Variants in UNC80 observed in about 807,000 individuals in gnomAD.
UNC80 encodes the protein unc-80 subunit of NALCN channel complex, also known as protein unc-80 homolog.
In UNC80, 164 loss-of-function variants were observed where a neutral mutation model predicts 384.6. The observed-to-expected ratio is 0.43, with a 90% CI of 0.38 to 0.49. The LOEUF (loss-of-function observed/expected upper bound fraction) is 0.49. Ranked by LOEUF, UNC80 falls within the 20% of genes least tolerant of loss-of-function variation. The pLI, the probability that UNC80 is intolerant of heterozygous loss-of-function variation, is 0.00. For missense variants in UNC80, 3,330 were observed against 4,143.0 expected, an observed-to-expected ratio of 0.80 and a Z score of 5.39; for synonymous variants, 1,486 against 1,527.8, an observed-to-expected ratio of 0.97 and a Z score of 0.64.
chr2:209,993,108 A>T (rs1397910766), intron 62 of UNC80, among the ~76,000 whole-genome samples: 1 of 152,254 alleles, frequency 6.6e-6, no homozygotes, highest in Non-Finnish European at 1.5e-5. Flanking sequence ...TGTTCTTGGC[A>T]TATATAAAGG....
intron 5 of UNC80, among the ~76,000 whole-genome samples, chr2:209,788,833 G>T (rs1351914736): frequency 6.6e-6 from 1 of 151,992 alleles, no homozygotes; most frequent in African/African-American, 2.4e-5. Flanking sequence ...GATAAATTTA[G>T]CATTGCCTTC....
intron 31 of UNC80, among the ~76,000 whole-genome samples, chr2:209,915,702 A>C (rs967867669): frequency 3.9e-5 from 6 of 152,210 alleles, no homozygotes; most frequent in Admixed American, 2.0e-4. Context: ...AATATGTGGA[A>C]TACTTTGGTT....
intron 56 of UNC80, among the ~76,000 whole-genome samples, 165 bp downstream of exon 56, chr2:209,973,435 A>G (rs1291623327): frequency 6.6e-6 from 1 of 152,242 alleles, no homozygotes; most frequent in Non-Finnish European, 1.5e-5. Flanking sequence ...ATGTATTTAA[A>G]GAGACCTCAA....
At chr2:209,941,758 C>T (rs2091647349) in intron 44 of UNC80, among the ~76,000 whole-genome samples, 1 of 152,158 alleles carries the variant, frequency 6.6e-6, no homozygotes, top group South Asian at 2.1e-4. Context: ...GCAGCATCAG[C>T]ATCAACTGGA....
At chr2:209,826,480 C>T (rs1334726249) in intron 14 of UNC80, among the ~76,000 whole-genome samples, 2 of 152,096 alleles carry the variant, frequency 1.3e-5, no homozygotes, top group Non-Finnish European at 2.9e-5. Flanking sequence ...GGTTTGTTGT[C>T]CTGCCTAAGA....
chr2:209,790,788 C>G (rs1050190668), intron 6 of UNC80, among the ~76,000 whole-genome samples: 3 of 152,144 alleles, frequency 2.0e-5, no homozygotes, highest in African/African-American at 7.2e-5. Context: ...TTCACTTATA[C>G]TTTCCTCTTA....
intron 13 of UNC80, among the ~76,000 whole-genome samples, chr2:209,825,641 G>A (rs2080459178): frequency 6.6e-6 from 1 of 152,134 alleles, no homozygotes; most frequent in South Asian, 2.1e-4. Flanking sequence ...GGATATAAAA[G>A]CATGTCTTCT....
Position 209,809,273 on chromosome 2 carries a change from G to C in UNC80, c.939-4307G>C, listed in dbSNP as rs1040672182. ...AACTGCCAATACTGCAATAAGGAAT[G>C]CCTCAGCCTGGGTGCCCTCAAGAAA... On this transcript the variant is annotated intron_variant, in intron 7 of 64. Coordinates refer to ENST00000673920, the MANE Select transcript of UNC80 (RefSeq NM_001371986.1). The C allele has an allele frequency of 6.7e-6, 5 of 743,658 alleles. No homozygotes were observed. In the African/African-American group the frequency reaches 8.6e-5, roughly 13 times the overall value. 46.1% of individuals were successfully genotyped at this position (743,658 alleles called of 1,614,324 possible).
intron 51 of UNC80, among the ~76,000 whole-genome samples, chr2:209,963,374 A>G (rs1314210104): frequency 6.6e-6 from 1 of 152,234 alleles, no homozygotes; most frequent in African/African-American, 2.4e-5. Context: ...TACATGTGAT[A>G]GTACAGCAAA....
In UNC80 at chr2:209,976,406, G is replaced by A. The variant is rs1221660523; in HGVS notation, c.8772+103G>A. 1.4e-6 allele frequency: 2 copies of A among 1,424,236 alleles called. No individual in the cohort carries two copies. Among genetic ancestry groups the A allele is most frequent in the Middle Eastern group, 1.8e-4 (1 of 5,688 alleles). 88.2% of individuals were successfully genotyped at this position (1,424,236 alleles called of 1,614,324 possible). On this transcript the variant is annotated intron_variant, in intron 57 of 64. Coordinates refer to ENST00000673920, the MANE Select transcript of UNC80 (RefSeq NM_001371986.1). The surrounding 1 kb of genome is among the most constrained non-coding windows in gnomAD (Gnocchi z 4.3). ...AGGAGTGCTCATGGTACCTACTGTT[G>A]CCAGTTAGTAGGGCCTGTTAATACC...
rs1471393650 is a variant in UNC80 at position 209,933,839 on chromosome 2, C to T, written c.6012C>T (p.Tyr2004=). The T allele has an allele frequency of 3.2e-6, 5 of 1,550,830 alleles. No individual in the cohort carries two copies. The highest frequency in any genetic ancestry group is 3.5e-6 in the Non-Finnish European group (4 of 1,146,614). ...ACTTCTAGGTAGGATTAATCATGTA[C>T]TTTGTGCGGACCCCCTGCGAGTGGG... ...LFNYLVGLIM[Y]FVRTPCEWGM... Residue 2004 remains tyrosine, a synonymous_variant, in exon 39 of 65, where the codon TAC becomes TAT. Transcript: ENST00000673920.
chr2:209,790,306 C>T (rs1022774519), intron 6 of UNC80, among the ~76,000 whole-genome samples: 3 of 152,098 alleles, frequency 2.0e-5, no homozygotes, highest in East Asian at 3.9e-4. Flanking sequence ...TGCTGCCTTC[C>T]GTCAAAATTG....
Position 209,874,054 on chromosome 2 carries a change from G to A in UNC80, c.3840+1084G>A, listed in dbSNP as rs527979667. 3.3e-5 allele frequency among the ~76,000 whole-genome samples: 5 copies of A among 152,140 alleles called. No homozygotes were observed. In the East Asian group the frequency reaches 9.7e-4, roughly 29 times the overall value. On this transcript the variant is annotated intron_variant, in intron 23 of 64. Coordinates refer to ENST00000673920, the MANE Select transcript of UNC80 (RefSeq NM_001371986.1). ...TGCTAATGTCAATGATCAACACTTA[G>A]CACTGCCCTTTTCAGGCTTCGATTG...
intron 7 of UNC80, among the ~76,000 whole-genome samples, chr2:209,807,113 C>G (rs4673488): frequency 6.6e-6 from 1 of 152,214 alleles, no homozygotes; most frequent in East Asian, 1.9e-4. Context: ...AAAATGTAAA[C>G]ACATACAATA....
rs543307495 is a variant in UNC80, at chr2:209,904,377, G to A, written c.4582-388G>A. Among the ~76,000 whole-genome samples, 11 of 152,270 alleles carry A rather than the reference G, an allele frequency of 7.2e-5. No individual in the cohort carries two copies. In the East Asian group the frequency reaches 2.1e-3, roughly 29 times the overall value. ...TGTCAAAGGTCAGCCAGATCCTCTG[G>A]GACAGAATTTCTCACCAGTCTATGC... On this transcript the variant is annotated intron_variant, in intron 28 of 64. Transcript: ENST00000673920.
At chr2:209,806,833 CAG>C in intron 7 of UNC80, among the ~76,000 whole-genome samples, 1 of 152,290 alleles carries the variant, frequency 6.6e-6, no homozygotes, top group Admixed American at 6.5e-5. Context: ...TTACTATATG[CAG>C]AGAGTTGATT....
In UNC80 at chr2:209,959,570, A is replaced by G. The variant is rs1376187771; in HGVS notation, c.7668A>G (p.Arg2556=). 2 of 1,551,614 alleles carry G rather than the reference A, an allele frequency of 1.3e-6. No homozygotes were observed. Among genetic ancestry groups the G allele is most frequent in the South Asian group, 1.2e-5 (1 of 84,060 alleles). The change falls in exon 51 of 65, where the codon AGA becomes AGG. Residue 2556 remains arginine, a synonymous_variant. Coordinates refer to ENST00000673920, the MANE Select transcript of UNC80 (RefSeq NM_001371986.1). ...AACGAATTGCTCGGGAAGAGTTCAG[A>G]AGACCCCGGGAGTCCTTACTGAATA... is the stretch of plus-strand genomic sequence containing the variant. ...LDERIAREEF[R]RPRESLLNIC... is the part of the protein sequence containing the mutation.
intron 13 of UNC80, among the ~76,000 whole-genome samples, chr2:209,823,556 C>A (rs539195534): frequency 6.6e-6 from 1 of 152,234 alleles, no homozygotes; most frequent in South Asian, 2.1e-4. Flanking sequence ...GAGGGTTCAT[C>A]TTCTTCTAAT....
intron 59 of UNC80, among the ~76,000 whole-genome samples, chr2:209,980,825 A>G (rs1010063370): frequency 1.3e-5 from 2 of 152,240 alleles, no homozygotes; most frequent in Non-Finnish European, 1.5e-5. Flanking sequence ...TACTGGGGAC[A>G]TAAGTGTTAA....
Sources: allele counts gnomAD v4.1 joint callset (sites outside exome capture counted in the v4.1 genomes callset), GRCh38; gene constraint gnomAD v4.1.1; non-coding constraint Gnocchi (gnomAD v3.1); transcripts MANE v1.5; gene names NCBI Gene and HGNC (gene_info 2026-07-23, HGNC 2026-07-21).